PLEKHM2: variants seen among roughly 807,000 people sequenced by gnomAD.
PLEKHM2 encodes the protein pleckstrin homology and RUN domain containing M2, also known as pleckstrin homology domain-containing family M member 2.
Under a neutral mutation model 116.3 loss-of-function variants are expected in PLEKHM2, and 77 were observed. The observed-to-expected ratio is 0.66, with a 90% CI of 0.55 to 0.80. PLEKHM2 has a LOEUF of 0.80. Ranked by LOEUF, PLEKHM2 falls within the 30% of genes least tolerant of loss-of-function variation. The pLI is 0.00. For synonymous variants in PLEKHM2, 562 were observed against 571.0 expected, an observed-to-expected ratio of 0.98 and a Z score of 0.22; for missense variants, 1,183 against 1,354.9, an observed-to-expected ratio of 0.87 and a Z score of 1.99.
At chr1:15,688,795 A>G (rs1557638226) in intron 1 of PLEKHM2, among the ~76,000 whole-genome samples, 1 of 152,188 alleles carries the variant, frequency 6.6e-6, no homozygotes, top group Non-Finnish European at 1.5e-5. Flanking sequence ...GTCCAAGTCA[A>G]CGACAGCTTT....
intron 1 of PLEKHM2, among the ~76,000 whole-genome samples, chr1:15,698,549 CTTTTTTTT>C (rs564918055): frequency 1.8e-5 from 2 of 111,226 alleles, no homozygotes; most frequent in Admixed American, 8.7e-5. Flanking sequence ...TTCTTTCTTT[CTTTTTTTT>C]TTTTTTTTTT....
rs557970918 is a variant in PLEKHM2 at position 15,731,221 on chromosome 1, G to A, written c.2429G>A (p.Arg810His). The A allele has an allele frequency of 1.6e-5, 26 of 1,598,402 alleles. No homozygotes were observed. The highest frequency in any genetic ancestry group is 1.2e-4 in the African/African-American group (9 of 74,662). ...GGGATCCTCTACCAGTACCCGGACC[G>A]CACCGACGTCATCCCTCTGCTCTCG... is the stretch of plus-strand genomic sequence containing the variant. Reference protein sequence around the residue: ...SNGILYQYPDRTDVIPLLSVN... With the variant: ...SNGILYQYPDHTDVIPLLSVN... The change falls in exon 16 of 20, where the codon CGC becomes CAC. Residue 810 changes from arginine to histidine, a missense_variant. Physicochemically the swap from Arg to His is conservative, Grantham distance 29 (BLOSUM62 0). This residue lies in a region of PLEKHM2 where 594 missense variants were observed against 720.1 expected (regional missense o/e 0.82). Coordinates refer to ENST00000375799, the MANE Select transcript of PLEKHM2 (RefSeq NM_015164.4).
At chr1:15,706,480 A>ACTGCAACCTCTGCCTCC (rs1244537420) in intron 1 of PLEKHM2, among the ~76,000 whole-genome samples, 2 of 144,700 alleles carry the variant, frequency 1.4e-5, no homozygotes, top group Admixed American at 1.3e-4. Flanking sequence ...ATCTCGGCTC[A>ACTGCAACCTCTGCCTCC]CTGCAACCTC....
intron 1 of PLEKHM2, among the ~76,000 whole-genome samples, chr1:15,706,596 G>A (rs1403265252): frequency 1.3e-5 from 2 of 152,086 alleles, no homozygotes; most frequent in Non-Finnish European, 2.9e-5. Context: ...AAATAGAGAC[G>A]GGGTTTCACC....
chr1:15,727,757 T>C lies in PLEKHM2; in HGVS notation c.1685T>C (p.Leu562Pro). Residue 562 changes from leucine (L) to proline (P), a missense_variant, in exon 9 of 20, where the codon CTG becomes CCG. Transcript: ENST00000375799. The surrounding 1 kb of genome is among the most constrained non-coding windows in gnomAD (Gnocchi z 7.5). ...AAGCGAGACCAGCCCAGCCCGTGTC[T>C]GAGTAGCGCTGAGGATTCTGGGGTG... ...QLKRDQPSPC[L>P]SSAEDSGVDE... 3.1e-6 allele frequency: 5 copies of C among 1,604,566 alleles called. No individual in the cohort carries two copies. Among genetic ancestry groups the C allele is most frequent in the Non-Finnish European group, 4.2e-6 (5 of 1,176,512 alleles).
intron 1 of PLEKHM2, among the ~76,000 whole-genome samples, chr1:15,691,096 G>A (rs1251399631): frequency 6.6e-6 from 1 of 152,150 alleles, no homozygotes; most frequent in African/African-American, 2.4e-5. Context: ...TTGAGACAGG[G>A]TTTCACTCTG....
chr1:15,689,180 G>A (rs1041555163), intron 1 of PLEKHM2, among the ~76,000 whole-genome samples: 21 of 151,232 alleles, frequency 1.4e-4, no homozygotes, highest in African/African-American at 1.5e-4. Flanking sequence ...CTCGGGAGGC[G>A]GAGGTTGTGG....
chr1:15,720,149 T>TAAAA (rs1553160239), intron 6 of PLEKHM2, among the ~76,000 whole-genome samples: 2 of 118,656 alleles, frequency 1.7e-5, no homozygotes, highest in South Asian at 2.4e-4. Context: ...TATATATATA[T>TAAAA]AAAATATATA....
chr1:15,723,852 C>G (rs1284108022), intron 7 of PLEKHM2, among the ~76,000 whole-genome samples: 1 of 151,866 alleles, frequency 6.6e-6, no homozygotes, highest in Non-Finnish European at 1.5e-5. Context: ...CCCAGTGGGG[C>G]TGTGGGGTGC....
At position 15,721,404 on chromosome 1, in the gene PLEKHM2, C is replaced by CT; in HGVS notation, c.712+17dup. On this transcript the variant is annotated intron_variant, in intron 7 of 19. Coordinates refer to ENST00000375799, the MANE Select transcript of PLEKHM2 (RefSeq NM_015164.4). This position sits in a 1 kb window ranked among gnomAD's most constrained non-coding sequence, Gnocchi z 5.1. ...GACTGGGAAGGTGGGCCAGAGTCCGCTGTTACCCTCTTTTCCTGTTTTGCA... is the reference window on the plus strand; with the variant it reads ...GACTGGGAAGGTGGGCCAGAGTCCGCTTGTTACCCTCTTTTCCTGTTTTGCA... 1 of 1,521,680 alleles carries CT rather than the reference C, an allele frequency of 6.6e-7. No individual in the cohort carries two copies. The highest frequency in any genetic ancestry group is 9.0e-7 in the Non-Finnish European group (1 of 1,115,636). 94.3% of individuals were successfully genotyped at this position (1,521,680 alleles called of 1,614,324 possible). A position where few individuals can be genotyped will look rare whatever the true frequency, so the allele number is the denominator to read the frequency against.
chr1:15,682,081 T>C (rs1224600649), upstream of PLEKHM2, among the ~76,000 whole-genome samples: 2 of 151,932 alleles, frequency 1.3e-5, no homozygotes, highest in African/African-American at 2.4e-5. Context: ...TTCTGTACTC[T>C]CAGCTACTGG....
At chr1:15,701,841 A>C (rs2148341872) in intron 1 of PLEKHM2, among the ~76,000 whole-genome samples, 1 of 152,146 alleles carries the variant, frequency 6.6e-6, no homozygotes, top group South Asian at 2.1e-4. Flanking sequence ...TTGTTTGTTT[A>C]TTTTCTGCTC....
chr1:15,692,940 T>C (rs1640917308), intron 1 of PLEKHM2, among the ~76,000 whole-genome samples: 1 of 151,980 alleles, frequency 6.6e-6, no homozygotes, highest in African/African-American at 2.4e-5. Flanking sequence ...GGTTTCACCA[T>C]GTTGGTCAGG....
At chr1:15,723,540 GACCA>G (rs776555165) in intron 7 of PLEKHM2, among the ~76,000 whole-genome samples, 16 of 151,748 alleles carry the variant, frequency 1.1e-4, no homozygotes, top group South Asian at 6.2e-4. Flanking sequence ...AGGAGTTTGA[GACCA>G]ACCTGGGCAA....
At chr1:15,709,676 A>G (rs751297567) in intron 1 of PLEKHM2, among the ~76,000 whole-genome samples, 8 of 152,186 alleles carry the variant, frequency 5.3e-5, no homozygotes, top group Non-Finnish European at 1.0e-4. Context: ...CCACCGTGGC[A>G]TATACACTCT....
Position 15,706,392 on chromosome 1 carries a change from A to ATTTGTTTG in PLEKHM2, c.61-9837_61-9830dup, listed in dbSNP as rs59901434. On this transcript the variant is annotated intron_variant, in intron 1 of 19. Coordinates refer to ENST00000375799, the MANE Select transcript of PLEKHM2 (RefSeq NM_015164.4). ...CTCAGGGAGATCTTCTTGGCTCCTTATTTGTTTGTTTGTTTTTATTATTAT... is the reference window on the plus strand; with the variant it reads ...CTCAGGGAGATCTTCTTGGCTCCTTATTTGTTTGTTTGTTTGTTTGTTTTTATTATTAT... Among the ~76,000 whole-genome samples, 1,009 of 151,524 alleles carry ATTTGTTTG rather than the reference A, an allele frequency of 6.7e-3. 9 individuals carry two copies. Among genetic ancestry groups the ATTTGTTTG allele is most frequent in the African/African-American group, 0.024 (969 of 41,118 alleles).
At position 15,725,461 on chromosome 1, in the gene PLEKHM2, C is replaced by A. The variant is rs1309837767; in HGVS notation, c.857C>A (p.Thr286Asn). 1.3e-6 allele frequency: 2 copies of A among 1,576,340 alleles called. No homozygotes were observed. Among genetic ancestry groups the A allele is most frequent in the South Asian group, 1.2e-5 (1 of 85,588 alleles). ...GAGACTGTGTCCTCCTCTGACACCA[C>A]CCCCGTGCACACCACCTCTCAGGAG... ...PAETVSSSDT[T>N]PVHTTSQEKE... is the part of the protein sequence containing the mutation. The change falls in exon 8 of 20, where the codon ACC becomes AAC. Residue 286 changes from threonine (T) to asparagine (N), a missense_variant. Transcript: ENST00000375799.
At position 15,720,128 on chromosome 1, in the gene PLEKHM2, T is replaced by TTATATATATATATA. The variant is rs144815982; in HGVS notation, c.652+217_652+230dup. ...GGATTCTGGGCACAAAAAGCTGAAA[T>TTATATATATATATA]TATATATATATATATATATATAAAA... On this transcript the variant is annotated intron_variant, in intron 6 of 19. Transcript: ENST00000375799. Among the ~76,000 whole-genome samples, 93 of 115,884 alleles carry TTATATATATATATA rather than the reference T, an allele frequency of 8.0e-4. No homozygotes were observed. In the East Asian group the frequency reaches 0.016, roughly 20 times the overall value. 76.0% of individuals were successfully genotyped at this position (115,884 alleles called of 152,430 possible). A position where few individuals can be genotyped will look rare whatever the true frequency, so the allele number is the denominator to read the frequency against.
Position 15,725,472 on chromosome 1 carries a change from A to G in PLEKHM2, c.868A>G (p.Thr290Ala). The change falls in exon 8 of 20, where the codon ACC becomes GCC. Residue 290 changes from threonine to alanine, a missense_variant. Transcript: ENST00000375799. ...VSSSDTTPVH[T>A]TSQEKEEAQA... ...CTCCTCTGACACCACCCCCGTGCAC[A>G]CCACCTCTCAGGAGAAGGAGGAGGC... 6.3e-7 allele frequency: 1 copy of G among 1,579,428 alleles called. No homozygotes were observed.
Sources: allele counts gnomAD v4.1 joint callset (sites outside exome capture counted in the v4.1 genomes callset), GRCh38; gene constraint gnomAD v4.1.1; regional missense constraint gnomAD v4.1.1; non-coding constraint Gnocchi (gnomAD v3.1); transcripts MANE v1.5; gene names NCBI Gene and HGNC (gene_info 2026-07-23, HGNC 2026-07-21).